KCTD14: variants seen among roughly 807,000 people sequenced by gnomAD.
KCTD14 encodes BTB/POZ domain-containing protein KCTD14.
A neutral mutation model predicts 5.9 loss-of-function variants in KCTD14; 7 were observed. The ratio of observed to expected loss-of-function variants is 1.19; its 90% confidence interval spans 0.68 to 2.23. The LOEUF is 2.23. KCTD14 is among the 30% of genes most tolerant of loss of function. The pLI is 0.00. For synonymous variants in KCTD14, 140 were observed against 133.1 expected (o/e 1.05, Z -0.36); for missense variants, 342 against 332.2 (o/e 1.03, Z -0.23).
In KCTD14 at chr11:78,038,663, C is replaced by G; in HGVS notation, c.-1+1G>C. On this transcript the variant is annotated splice_donor_variant, in intron 2 of 2. Transcript: ENST00000533144. LOFTEE classifies it low-confidence loss of function (5UTR_SPLICE). ...CCCAAGAGAGGGGGTGACCTGCATA[C>G]CTAATGGGTGGTGGCAGCAGAACTC... The G allele has an allele frequency of 1.3e-6, 2 of 1,535,712 alleles. No homozygotes were observed. The highest frequency in any genetic ancestry group is 1.7e-6 in the Non-Finnish European group (2 of 1,146,908).
At chr11:78,031,307 C>T (rs1857607810) in intron 2 of KCTD14, among the ~76,000 whole-genome samples, 1 of 152,048 alleles carries the variant, frequency 6.6e-6, no homozygotes, top group Non-Finnish European at 1.5e-5. Flanking sequence ...CTTGGCCTCC[C>T]AAAGTACTGA....
intron 2 of KCTD14, among the ~76,000 whole-genome samples, chr11:78,032,593 T>C (rs1294387052): frequency 6.6e-6 from 1 of 151,292 alleles, no homozygotes; most frequent in Non-Finnish European, 1.5e-5. Flanking sequence ...CTTCAGGAAC[T>C]GCTCTGTTGT....
At chr11:78,043,813 T>C (rs7127238) in intron 1 of KCTD14, among the ~76,000 whole-genome samples, 55,577 of 151,750 alleles carry the variant, frequency 0.37, 10,659 homozygotes, top group South Asian at 0.42. Flanking sequence ...TTGTCTTGGG[T>C]GGATCCTCTG....
At chr11:78,041,093 G>A (rs942130159) in intron 1 of KCTD14, among the ~76,000 whole-genome samples, 4 of 152,192 alleles carry the variant, frequency 2.6e-5, no homozygotes, top group Non-Finnish European at 5.9e-5. Context: ...TCAAGGATTG[G>A]GAGACACACA....
intron 2 of KCTD14, chr11:78,038,645 G>A: frequency 6.5e-7 from 1 of 1,535,524 alleles, no homozygotes; most frequent in Non-Finnish European, 8.7e-7. Flanking sequence ...GGACCCAAGA[G>A]AGGGGGTGAC....
At chr11:78,038,990 C>A (rs1857905758) in intron 1 of KCTD14, among the ~76,000 whole-genome samples, 2 of 151,184 alleles carry the variant, frequency 1.3e-5, no homozygotes, top group Admixed American at 1.3e-4. Flanking sequence ...TGGCGCCCTG[C>A]CTAAAACTCA....
intron 1 of KCTD14, among the ~76,000 whole-genome samples, chr11:78,019,964 G>A (rs1857268787): frequency 6.6e-6 from 1 of 152,150 alleles, no homozygotes; most frequent in African/African-American, 2.4e-5. Flanking sequence ...TTCCCTTAGT[G>A]ACTCATTCAT....
At position 78,016,466 on chromosome 11, in the gene KCTD14, G is replaced by C; in HGVS notation, c.*127C>G. On this transcript the variant is annotated 3_prime_UTR_variant, in exon 2 of 2. Coordinates refer to ENST00000353172, the MANE Select transcript of KCTD14 (RefSeq NM_023930.4). The stretch of plus-strand genomic sequence containing the variant: ...TCCTTAAACGAGTGATCAATATTTA[G>C]TGGCAAGACTCTAGACCAACCCTGG... 1.3e-6 allele frequency: 1 copy of C among 747,466 alleles called. No individual in the cohort carries two copies. Among genetic ancestry groups the C allele is most frequent in the Non-Finnish European group, 2.2e-6 (1 of 464,320 alleles). 46.3% of individuals were successfully genotyped at this position (747,466 alleles called of 1,614,324 possible).
intron 2 of KCTD14, among the ~76,000 whole-genome samples, chr11:78,034,762 G>A (rs528255229): frequency 2.6e-5 from 4 of 152,160 alleles, no homozygotes; most frequent in Non-Finnish European, 5.9e-5. Context: ...CCTGCTCACC[G>A]CGGCCTCAGT....
chr11:78,029,665 T>G (rs1471722323), intron 2 of KCTD14, among the ~76,000 whole-genome samples: 1 of 152,252 alleles, frequency 6.6e-6, no homozygotes, highest in Non-Finnish European at 1.5e-5. Context: ...AACTTTAGTC[T>G]TATGGTTGGC....
At position 78,015,933 on chromosome 11, in the gene KCTD14, T is replaced by C. The variant is rs73503585; in HGVS notation, c.*660A>G. ...GGTAGCAATTCTTTTCTAGAGATGGTCTCAAAATTAGAATACATCAAAATC... is the reference window on the plus strand; with the variant it reads ...GGTAGCAATTCTTTTCTAGAGATGGCCTCAAAATTAGAATACATCAAAATC... On this transcript the variant is annotated 3_prime_UTR_variant, in exon 2 of 2. Transcript: ENST00000353172. 19,118 of 152,208 alleles carry C rather than the reference T, an allele frequency of 0.13. 1,223 individuals are homozygous for C. The highest frequency in any genetic ancestry group is 0.17 in the South Asian group (807 of 4,818). 9.4% of individuals were successfully genotyped at this position (152,208 alleles called of 1,614,324 possible).
intron 2 of KCTD14, among the ~76,000 whole-genome samples, chr11:78,033,771 C>A (rs1487689671): frequency 6.8e-6 from 1 of 146,106 alleles, no homozygotes; most frequent in African/African-American, 2.5e-5. Flanking sequence ...TTGCTCGAAC[C>A]AGAGGTAGAG....
At chr11:78,031,096 C>G (rs903131421) in intron 2 of KCTD14, among the ~76,000 whole-genome samples, 2 of 144,654 alleles carry the variant, frequency 1.4e-5, no homozygotes, top group Admixed American at 1.4e-4. Flanking sequence ...CACCCAGACT[C>G]TAGGCTGGAG....
upstream of KCTD14, among the ~76,000 whole-genome samples, chr11:78,025,393 G>C (rs1212215278): frequency 6.6e-6 from 1 of 151,944 alleles, no homozygotes; most frequent in African/African-American, 2.4e-5. Flanking sequence ...CAGCTGATTA[G>C]ATTGTGCCCA....
intron 1 of KCTD14, among the ~76,000 whole-genome samples, chr11:78,043,655 T>G (rs1331373741): frequency 6.6e-6 from 1 of 152,110 alleles, no homozygotes; most frequent in Non-Finnish European, 1.5e-5. Context: ...CAGGTGACAT[T>G]TTGACTCGGG....
chr11:78,039,190 A>T (rs1857917817), intron 1 of KCTD14, among the ~76,000 whole-genome samples: 1 of 151,856 alleles, frequency 6.6e-6, no homozygotes, highest in Non-Finnish European at 1.5e-5. Context: ...ATATATATCC[A>T]CTAACAAAAC....
chr11:78,023,356 C>A, upstream of KCTD14: 1 of 1,056,318 alleles, frequency 9.5e-7, no homozygotes, highest in South Asian at 1.4e-5. Flanking sequence ...TGCAGTGAGA[C>A]TGGGCCAAGT....
At chr11:78,023,090 A>C (rs2136712699) in intron 1 of KCTD14, 70 bp downstream of exon 1, 1 of 1,059,668 alleles carries the variant, frequency 9.4e-7, no homozygotes, top group Non-Finnish European at 1.4e-6. Context: ...GAGAAACTGG[A>C]AGGGAGGGAA....
chr11:78,043,810 G>A (rs7107348), intron 1 of KCTD14, among the ~76,000 whole-genome samples: 50,472 of 151,820 alleles, frequency 0.33, 9,689 homozygotes, highest in South Asian at 0.42. Context: ...GCTTTGTCTT[G>A]GGTGGATCCT....
Sources: allele counts gnomAD v4.1 joint callset (sites outside exome capture counted in the v4.1 genomes callset), GRCh38; gene constraint gnomAD v4.1.1; transcripts MANE v1.5; gene names NCBI Gene and HGNC (gene_info 2026-07-23, HGNC 2026-07-21).